The following WASHC2A variants were observed in gnomAD, a reference collection of about 807,000 sequenced individuals.
WASHC2A encodes the protein WASH complex subunit FAM21A.
Under a neutral mutation model 140.3 loss-of-function variants are expected in WASHC2A, and 82 were observed. The observed-to-expected ratio is 0.58, with a 90% CI of 0.49 to 0.70. The LOEUF (loss-of-function observed/expected upper bound fraction) is 0.70. Among genes scored for constraint, WASHC2A ranks in the 30% least tolerant of loss-of-function variants. WASHC2A has a pLI of 0.00. For missense variants in WASHC2A, 985 were observed against 1,521.8 expected, an observed-to-expected ratio of 0.65 and a Z score of 5.87; for synonymous variants, 340 against 560.8, an observed-to-expected ratio of 0.61 and a Z score of 5.56.
At chr10:50,076,844 A>G (rs1289146406) in intron 3 of WASHC2A, among the ~76,000 whole-genome samples, 3 of 150,712 alleles carry the variant, frequency 2.0e-5, no homozygotes, top group Non-Finnish European at 3.0e-5. Context: ...CAGGCCGGGC[A>G]TGGTGGCTCA....
chr10:50,108,931 G>T, intron 19 of WASHC2A, among the ~76,000 whole-genome samples: 1 of 150,104 alleles, frequency 6.7e-6, no homozygotes, highest in African/African-American at 2.4e-5. Flanking sequence ...GACGAGTGCT[G>T]ACAGTGGATC....
Position 50,125,365 on chromosome 10 carries a change from C to T in WASHC2A, c.2608-4C>T. 2 of 1,603,728 alleles carry T rather than the reference C, an allele frequency of 1.2e-6. No individual in the cohort carries two copies. The highest frequency in any genetic ancestry group is 2.2e-5 in the South Asian group (2 of 90,558). ...ATATTGAACTTGGGTCTTGTTTATT[C>T]TAGCTGTTAGAGCCAAGTGTTGGGA... On this transcript the variant is annotated splice_region_variant and splice_polypyrimidine_tract_variant and intron_variant, in intron 24 of 30. Transcript: ENST00000282633.
chr10:50,126,988 G>C (rs1286751218), intron 26 of WASHC2A, among the ~76,000 whole-genome samples, 172 bp from the exon 27 acceptor site: 1 of 152,114 alleles, frequency 6.6e-6, no homozygotes, highest in African/African-American at 2.4e-5. Flanking sequence ...GGAGGCATAC[G>C]TGAAGTAGTG....
intron 3 of WASHC2A, among the ~76,000 whole-genome samples, chr10:50,074,729 A>G (rs1227427682): frequency 6.6e-6 from 1 of 152,108 alleles, no homozygotes; most frequent in Non-Finnish European, 1.5e-5. Context: ...CCTGACTAAC[A>G]CGGTGAAGCT....
At chr10:50,115,164 G>A (rs200161516) in intron 21 of WASHC2A, among the ~76,000 whole-genome samples, 2,340 of 7,112 alleles carry the variant, frequency 0.33, 527 homozygotes, top group East Asian at 0.57. Flanking sequence ...TAGCCTACAC[G>A]TTTTTGATTA....
At chr10:50,126,221 C>G in intron 26 of WASHC2A, 42 bp downstream of exon 26, 1 of 1,612,016 alleles carries the variant, frequency 6.2e-7, no homozygotes, top group Admixed American at 1.7e-5. Flanking sequence ...TTGTTTGCAT[C>G]CCAGTACAGA....
At chr10:50,113,341 T>G (rs1842437113) in intron 20 of WASHC2A, among the ~76,000 whole-genome samples, 1 of 151,796 alleles carries the variant, frequency 6.6e-6, no homozygotes, top group Non-Finnish European at 1.5e-5. Flanking sequence ...GGCAGTAGAG[T>G]GAGACCCTGT....
In WASHC2A at chr10:50,125,214, C is replaced by T. The variant is rs1328931160; in HGVS notation, c.2580C>T (p.Asp860=). Reference sequence around the variant, plus strand: ...AAAAGGACAATGACCCAGATGTTGACCTTTTTGCTGGCACCAAAAAAACCA... The same window carrying T: ...AAAAGGACAATGACCCAGATGTTGATCTTTTTGCTGGCACCAAAAAAACCA... ...KLQKDNDPDV[D]LFAGTKKTKL... Residue 860 remains aspartate (D), a synonymous_variant, in exon 24 of 31, where the codon GAC becomes GAT. Coordinates refer to ENST00000282633, the MANE Select transcript of WASHC2A (RefSeq NM_001005751.3). The T allele has an allele frequency of 6.2e-7, 1 of 1,609,392 alleles. No homozygotes were observed. The highest frequency in any genetic ancestry group is 2.2e-5 in the East Asian group (1 of 44,822).
At chr10:50,088,002 A>G (rs61843871) in intron 8 of WASHC2A, among the ~76,000 whole-genome samples, 29,244 of 151,338 alleles carry the variant, frequency 0.19, 3,716 homozygotes, top group East Asian at 0.63. Flanking sequence ...TATTTTTAGT[A>G]GAGATGGGGT....
intron 23 of WASHC2A, among the ~76,000 whole-genome samples, chr10:50,124,625 C>T (rs1461317968): frequency 6.6e-6 from 1 of 152,066 alleles, no homozygotes; most frequent in Admixed American, 6.6e-5. Flanking sequence ...AGGTCTTTGG[C>T]CTGCAGTGCT....
At chr10:50,092,572 A>G (rs1302185178) in intron 11 of WASHC2A, among the ~76,000 whole-genome samples, 12 of 151,926 alleles carry the variant, frequency 7.9e-5, no homozygotes, top group African/African-American at 2.9e-4. Flanking sequence ...CAGGAGAATC[A>G]CTTGAACCCG....
chr10:50,092,636 G>A (rs2132575187), intron 11 of WASHC2A, among the ~76,000 whole-genome samples: 1 of 152,052 alleles, frequency 6.6e-6, no homozygotes, highest in Non-Finnish European at 1.5e-5. Context: ...CAGCCCAGGT[G>A]ATGGTGTGAG....
At chr10:50,092,322 C>G in intron 11 of WASHC2A, 89 bp downstream of exon 11, 1 of 1,188,580 alleles carries the variant, frequency 8.4e-7, no homozygotes, top group East Asian at 2.5e-5. Context: ...GCTTTACATG[C>G]TGTTTTCCCT....
rs1367141499 is a variant in WASHC2A, at chr10:50,102,515, G to A, written c.1636-1527G>A. ...ATTGTGTAACATGCAGGAGGGACAC[G>A]GGATGCCTGGAATTCCCCTTGTGGC... On this transcript the variant is annotated intron_variant, in intron 17 of 30. Coordinates refer to ENST00000282633, the MANE Select transcript of WASHC2A (RefSeq NM_001005751.3). Among the ~76,000 whole-genome samples the A allele has an allele frequency of 2.5e-4, 38 of 152,100 alleles. No homozygotes were observed. The East Asian group carries it at 5.2e-3, about 21-fold the overall frequency.
At chr10:50,131,293 C>T in intron 30 of WASHC2A, 1 of 746,308 alleles carries the variant, frequency 1.3e-6, no homozygotes, top group African/African-American at 1.7e-5. Context: ...AATTTGAAGG[C>T]ACCCAGAGTT....
chr10:50,126,654 C>T (rs1366548802), intron 26 of WASHC2A: 55 of 295,660 alleles, frequency 1.9e-4, no homozygotes, highest in African/African-American at 1.1e-3. Flanking sequence ...GACTGGAGAG[C>T]GAGTGCCAGT....
chr10:50,097,326 C>A (rs1311694035), intron 15 of WASHC2A, among the ~76,000 whole-genome samples: 2 of 151,612 alleles, frequency 1.3e-5, no homozygotes, highest in African/African-American at 4.8e-5. Context: ...TTCTCAGATT[C>A]CTTAGATGAT....
At chr10:50,074,219 A>G (rs1333902402) in intron 3 of WASHC2A, among the ~76,000 whole-genome samples, 1 of 108,746 alleles carries the variant, frequency 9.2e-6, no homozygotes, top group Non-Finnish European at 1.9e-5. Flanking sequence ...AAAACACATG[A>G]AGCTGTGAGT....
chr10:50,130,098 C>A (rs1159581099), intron 29 of WASHC2A, 59 bp downstream of exon 29: 2 of 1,605,848 alleles, frequency 1.2e-6, no homozygotes, highest in African/African-American at 2.7e-5. Flanking sequence ...ATCTGATTGG[C>A]TTATTTGAGC....
Sources: gnomAD v4.1 joint callset for allele counts (sites outside exome capture counted in the v4.1 genomes callset) on GRCh38, gnomAD v4.1.1 for gene constraint, MANE v1.5 for transcripts, NCBI Gene and HGNC (gene_info 2026-07-23, HGNC 2026-07-21) for gene names.